The following FOXP2 variants were observed in gnomAD, a reference collection of about 807,000 sequenced individuals.
FOXP2 encodes the protein forkhead box P2.
Under a neutral mutation model 115.8 loss-of-function variants are expected in FOXP2, and 12 were observed. That is an observed-to-expected ratio of 0.10 (90% CI 0.07 to 0.17). The LOEUF (loss-of-function observed/expected upper bound fraction) is 0.17, where lower values mean the gene tolerates loss of function less well. Among genes scored for constraint, FOXP2 ranks in the 10% least tolerant of loss-of-function variants. FOXP2 has a pLI of 1.00. For missense variants in FOXP2, 629 were observed against 843.5 expected (o/e 0.75, Z 3.15); for synonymous variants, 328 against 297.7 (o/e 1.10, Z -1.05).
At chr7:114,521,759 G>A (rs74476905) in intron 2 of FOXP2, among the ~76,000 whole-genome samples, 1 of 76,192 alleles carries the variant, frequency 1.3e-5, no homozygotes, top group South Asian at 5.1e-4. Context: ...AATTTAACTT[G>A]ATGAAAAGAA....
intron 2 of FOXP2, among the ~76,000 whole-genome samples, chr7:114,487,966 A>C (rs1028396059): frequency 6.6e-6 from 1 of 152,292 alleles, no homozygotes; most frequent in African/African-American, 2.4e-5. Context: ...GTATATTTAC[A>C]ACAGCACCCA....
chr7:114,297,498 G>T, intron 2 of FOXP2: 1 of 302,162 alleles, frequency 3.3e-6, no homozygotes, highest in South Asian at 4.9e-5. Flanking sequence ...GTGCCCAATA[G>T]TCCATCAATT....
intron 2 of FOXP2, among the ~76,000 whole-genome samples, chr7:114,350,121 G>A (rs1301764718): frequency 6.6e-6 from 1 of 152,014 alleles, no homozygotes; most frequent in Non-Finnish European, 1.5e-5. Flanking sequence ...CATCAAAAAT[G>A]GATGTTTTTA....
At chr7:114,456,042 T>C (rs1795299693) in intron 2 of FOXP2, among the ~76,000 whole-genome samples, 1 of 152,212 alleles carries the variant, frequency 6.6e-6, no homozygotes, top group African/African-American at 2.4e-5. Context: ...AAATCAGCTT[T>C]CCCTGAAAGC....
chr7:114,120,617 A>T (rs1312399244), intron 1 of FOXP2, among the ~76,000 whole-genome samples: 1 of 151,888 alleles, frequency 6.6e-6, no homozygotes. Flanking sequence ...GATAATAGTT[A>T]ACATTCTGTA....
chr7:114,286,374 G>T (rs780810957), intron 1 of FOXP2, among the ~76,000 whole-genome samples: 52 of 151,604 alleles, frequency 3.4e-4, no homozygotes, highest in Non-Finnish European at 2.9e-5. Flanking sequence ...CTTTTAAATG[G>T]GTTTAAAAAT....
intron 2 of FOXP2, among the ~76,000 whole-genome samples, chr7:114,298,508 C>G (rs1174506494): frequency 6.6e-6 from 1 of 152,154 alleles, no homozygotes; most frequent in Non-Finnish European, 1.5e-5. Flanking sequence ...CAGTTATCCA[C>G]CAGCATTAGC....
chr7:114,558,351 A>G (rs1488740207), intron 3 of FOXP2, among the ~76,000 whole-genome samples: 4 of 152,196 alleles, frequency 2.6e-5, no homozygotes, highest in Non-Finnish European at 4.4e-5. Flanking sequence ...AGGACTCCAG[A>G]TATGTCAGAA....
At chr7:114,466,625 G>T (rs1307044389) in intron 2 of FOXP2, among the ~76,000 whole-genome samples, 1 of 152,124 alleles carries the variant, frequency 6.6e-6, no homozygotes, top group African/African-American at 2.4e-5. Flanking sequence ...CCCAATCTTG[G>T]ATTTGTAAGC....
At chr7:114,389,448 A>T (rs1351556487) in intron 2 of FOXP2, among the ~76,000 whole-genome samples, 1 of 152,234 alleles carries the variant, frequency 6.6e-6, no homozygotes, top group Non-Finnish European at 1.5e-5. Flanking sequence ...TCAATAGACA[A>T]ATTTTAAGGT....
At chr7:114,110,794 G>T (rs1212893235) in intron 1 of FOXP2, among the ~76,000 whole-genome samples, 1 of 152,090 alleles carries the variant, frequency 6.6e-6, no homozygotes, top group Non-Finnish European at 1.5e-5. Flanking sequence ...GTATTTAAAA[G>T]CTTTTGCATT....
At chr7:114,171,548 G>C (rs951692824) in intron 1 of FOXP2, among the ~76,000 whole-genome samples, 2 of 152,136 alleles carry the variant, frequency 1.3e-5, no homozygotes, top group African/African-American at 4.8e-5. Flanking sequence ...CAGCAGCCTT[G>C]GTGACAGAGT....
chr7:114,573,728 A>G (rs1801434219), intron 3 of FOXP2, among the ~76,000 whole-genome samples: 1 of 151,740 alleles, frequency 6.6e-6, no homozygotes, highest in Admixed American at 6.6e-5. Flanking sequence ...TCTTCCTATC[A>G]CACCTAATTC....
At chr7:114,300,500 C>T (rs1327894749) in intron 2 of FOXP2, among the ~76,000 whole-genome samples, 1 of 151,916 alleles carries the variant, frequency 6.6e-6, no homozygotes, top group East Asian at 1.9e-4. Context: ...CTTTGTTCAT[C>T]AAACCCATTT....
chr7:114,592,694 T>C (rs892696223), intron 3 of FOXP2, among the ~76,000 whole-genome samples: 1 of 152,082 alleles, frequency 6.6e-6, no homozygotes, highest in Admixed American at 6.6e-5. Context: ...AAGGATATAT[T>C]GTTTTAGAAC....
intron 2 of FOXP2, among the ~76,000 whole-genome samples, chr7:114,326,423 G>A (rs1351677158): frequency 1.3e-5 from 2 of 152,086 alleles, no homozygotes; most frequent in Non-Finnish European, 2.9e-5. Context: ...TGAATGGGAA[G>A]AGTGAAAATC....
At chr7:114,585,569 TA>T (rs201485322) in intron 3 of FOXP2, among the ~76,000 whole-genome samples, 24,549 of 138,216 alleles carry the variant, frequency 0.18, 2,202 homozygotes, top group South Asian at 0.26. Context: ...ACGCTACTAT[TA>T]AAAAAAAAAA....
At chr7:114,159,816 T>C (rs1345126562), upstream of FOXP2, among the ~76,000 whole-genome samples, 6 of 152,192 alleles carry the variant, frequency 3.9e-5, no homozygotes, top group Non-Finnish European at 8.8e-5. Context: ...GAAAAAGGCA[T>C]ATAAACTTAT....
intron 3 of FOXP2, among the ~76,000 whole-genome samples, chr7:114,579,620 A>G (rs1801745398): frequency 6.6e-6 from 1 of 151,966 alleles, no homozygotes; most frequent in Non-Finnish European, 1.5e-5. Context: ...TCCACCGGTT[A>G]TGCAAGCCCG....
Sources: allele counts gnomAD v4.1 joint callset (sites outside exome capture counted in the v4.1 genomes callset), GRCh38; gene constraint gnomAD v4.1.1; transcripts MANE v1.5; gene names NCBI Gene and HGNC (gene_info 2026-07-23, HGNC 2026-07-21).